SRPK2: variants seen among roughly 807,000 people sequenced by gnomAD.
SRPK2 encodes the protein SRSF protein kinase 2, also known as SFRS protein kinase 2.
SRPK2 carries 21 observed loss-of-function variants against 90.8 expected under a neutral mutation model. The ratio of observed to expected loss-of-function variants is 0.23; its 90% confidence interval spans 0.16 to 0.33. The LOEUF is 0.33. Among genes scored for constraint, SRPK2 ranks in the 10% least tolerant of loss-of-function variants. The pLI is 1.00. For missense variants in SRPK2, 620 were observed against 869.0 expected, an observed-to-expected ratio of 0.71 and a Z score of 3.60; for synonymous variants, 288 against 311.1, an observed-to-expected ratio of 0.93 and a Z score of 0.78.
chr7:105,284,659 C>T lies in SRPK2; in HGVS notation c.72-80874G>A, dbSNP rs191144662. Among the ~76,000 whole-genome samples the T allele has an allele frequency of 3.2e-4, 48 of 152,292 alleles. No individual in the cohort carries two copies. The East Asian group carries it at 8.3e-3, about 26-fold the overall frequency. On this transcript the variant is annotated intron_variant, in intron 2 of 15. Coordinates refer to ENST00000393651, the MANE Select transcript of SRPK2 (RefSeq NM_182692.3). ...TGTGTCTGTACTCCCACACAGTACC[C>T]CTCAGGAGCTTTGCCAATTATCACT...
intron 3 of SRPK2, among the ~76,000 whole-genome samples, chr7:105,197,847 A>G (rs1175698344): frequency 6.6e-6 from 1 of 152,232 alleles, no homozygotes; most frequent in Non-Finnish European, 1.5e-5. Flanking sequence ...AATTCAAGAG[A>G]TGAAAACTGT....
At chr7:105,381,243 A>G (rs912542961) in intron 2 of SRPK2, among the ~76,000 whole-genome samples, 2 of 151,824 alleles carry the variant, frequency 1.3e-5, no homozygotes, top group African/African-American at 4.8e-5. Context: ...GACTGCCTCA[A>G]GAAAAAAAAA....
intron 2 of SRPK2, among the ~76,000 whole-genome samples, chr7:105,351,503 T>C (rs1817170887): frequency 1.3e-5 from 2 of 150,936 alleles, no homozygotes; most frequent in Non-Finnish European, 2.9e-5. Context: ...AAAATAATAA[T>C]AATAATAATA....
At chr7:105,203,060 C>T (rs112434743) in intron 3 of SRPK2, among the ~76,000 whole-genome samples, 3,144 of 152,294 alleles carry the variant, frequency 0.021, 51 homozygotes, top group Non-Finnish European at 0.029. Flanking sequence ...ACGATCTCAG[C>T]TCACTGAAAC....
chr7:105,207,876 G>A (rs993724316), intron 2 of SRPK2, among the ~76,000 whole-genome samples: 39 of 152,142 alleles, frequency 2.6e-4, no homozygotes, highest in African/African-American at 9.4e-4. Flanking sequence ...ATGGGGGGAA[G>A]TACTTGTAAA....
chr7:105,277,904 G>A (rs562896864), intron 2 of SRPK2, among the ~76,000 whole-genome samples: 2 of 152,258 alleles, frequency 1.3e-5, no homozygotes, highest in South Asian at 4.1e-4. Context: ...AAATACTAAA[G>A]AAATTCTAGA....
intron 2 of SRPK2, among the ~76,000 whole-genome samples, chr7:105,336,577 T>G (rs1277776806): frequency 6.6e-6 from 1 of 152,216 alleles, no homozygotes; most frequent in Non-Finnish European, 1.5e-5. Flanking sequence ...ACATTTGTTG[T>G]TATACGTCTT....
intron 11 of SRPK2, among the ~76,000 whole-genome samples, chr7:105,141,786 C>G (rs1803816327): frequency 1.3e-5 from 2 of 152,110 alleles, no homozygotes; most frequent in South Asian, 4.1e-4. Context: ...AAAATGAAAA[C>G]TGGTCAGAAA....
At chr7:105,373,562 C>T (rs1412161215) in intron 2 of SRPK2, among the ~76,000 whole-genome samples, 1 of 152,008 alleles carries the variant, frequency 6.6e-6, no homozygotes, top group Non-Finnish European at 1.5e-5. Context: ...ACCACCACAT[C>T]CAGCTGATTT....
intron 2 of SRPK2, among the ~76,000 whole-genome samples, chr7:105,348,801 A>G (rs1030354259): frequency 6.6e-6 from 1 of 152,160 alleles, no homozygotes; most frequent in East Asian, 1.9e-4. Context: ...TATCTAAAGA[A>G]AGTTATCATT....
At chr7:105,340,241 C>T (rs1815592444) in intron 2 of SRPK2, among the ~76,000 whole-genome samples, 1 of 146,066 alleles carries the variant, frequency 6.8e-6, no homozygotes, top group African/African-American at 2.5e-5. Flanking sequence ...CGCATTATGC[C>T]GTACCACAAA....
chr7:105,341,357 C>CAAAAAAAAAAAA (rs746893526), intron 2 of SRPK2, among the ~76,000 whole-genome samples: 13 of 66,742 alleles, frequency 1.9e-4, no homozygotes, highest in African/African-American at 8.8e-4. Flanking sequence ...GACTCCGTCT[C>CAAAAAAAAAAAA]AAAAAAAAAA....
intron 2 of SRPK2, among the ~76,000 whole-genome samples, chr7:105,285,470 T>C (rs970859556): frequency 6.6e-6 from 1 of 150,850 alleles, no homozygotes; most frequent in Non-Finnish European, 1.5e-5. Context: ...CATTAAAATA[T>C]CAGGATAATA....
intron 14 of SRPK2, among the ~76,000 whole-genome samples, chr7:105,126,545 C>A (rs565167899): frequency 1.8e-4 from 28 of 152,138 alleles, no homozygotes; most frequent in Non-Finnish European, 3.1e-4. Flanking sequence ...GCCAGCTCAC[C>A]CCAGGCCACC....
intron 2 of SRPK2, among the ~76,000 whole-genome samples, chr7:105,317,798 T>C (rs149710728): frequency 2.9e-4 from 44 of 152,260 alleles, no homozygotes; most frequent in Admixed American, 2.4e-3. Context: ...CAGGATCTCA[T>C]TGTCATCCAG....
At chr7:105,338,947 A>G (rs766019432) in intron 2 of SRPK2, among the ~76,000 whole-genome samples, 2 of 152,184 alleles carry the variant, frequency 1.3e-5, no homozygotes, top group Non-Finnish European at 1.5e-5. Flanking sequence ...ACTAAATACC[A>G]TAATACTACA....
chr7:105,219,127 G>T (rs1233814403), intron 2 of SRPK2, among the ~76,000 whole-genome samples: 1 of 152,086 alleles, frequency 6.6e-6, no homozygotes. Context: ...ACATAGCTTC[G>T]TTGGATGGAG....
intron 2 of SRPK2, among the ~76,000 whole-genome samples, chr7:105,375,085 A>G (rs1820133915): frequency 6.6e-6 from 1 of 152,142 alleles, no homozygotes; most frequent in South Asian, 2.1e-4. Flanking sequence ...TGAGAATATG[A>G]GTCATTTTTG....
intron 2 of SRPK2, among the ~76,000 whole-genome samples, chr7:105,270,481 C>T (rs1805688401): frequency 6.7e-6 from 1 of 150,168 alleles, no homozygotes; most frequent in Non-Finnish European, 1.5e-5. Context: ...AATCTCGGCT[C>T]ACTGCAACCT....
Sources: gnomAD v4.1 joint callset for allele counts (sites outside exome capture counted in the v4.1 genomes callset) on GRCh38, gnomAD v4.1.1 for gene constraint, MANE v1.5 for transcripts, NCBI Gene and HGNC (gene_info 2026-07-23, HGNC 2026-07-21) for gene names.